CALM2: variants seen among roughly 807,000 people sequenced by gnomAD.
CALM2 encodes the protein calmodulin 2.
Under a neutral mutation model 19.8 loss-of-function variants are expected in CALM2, and 2 were observed. The observed-to-expected ratio is 0.10, with a 90% confidence interval of 0.04 to 0.32. The LOEUF (loss-of-function observed/expected upper bound fraction) is 0.32, where lower values mean the gene tolerates loss of function less well. Among genes scored for constraint, CALM2 ranks in the 10% least tolerant of loss-of-function variants. The probability of loss-of-function intolerance (pLI) is 1.00; values close to 1 mark genes in which losing one functional copy is unlikely to be tolerated. For missense variants in CALM2, 38 were observed against 178.7 expected (o/e 0.21, Z 4.49); for synonymous variants, 51 against 52.1 (o/e 0.98, Z 0.09).
At position 47,161,799 on chromosome 2, in the gene CALM2, C is replaced by T. The variant is rs1169245648; in HGVS notation, c.345G>A (p.Glu115=). The T allele has an allele frequency of 3.7e-6, 6 of 1,613,426 alleles. No individual in the cohort carries two copies. The highest frequency in any genetic ancestry group is 5.1e-6 in the Non-Finnish European group (6 of 1,179,604). ...ELRHVMTNLG[E]KLTDEEVDEM... is the part of the protein sequence containing the mutation. Reference sequence around the variant, plus strand: ...CATCAACTTCTTCATCTGTTAACTTCTCTCCAAGGTTTGTCATCACATGGC... The same window carrying T: ...CATCAACTTCTTCATCTGTTAACTTTTCTCCAAGGTTTGTCATCACATGGC... The change falls in exon 5 of 6, where the codon GAG becomes GAA. Residue 115 remains glutamate, a synonymous_variant. Transcript: ENST00000272298.
chr2:47,170,816 C>G, intron 1 of CALM2, 52 bp from the exon 2 acceptor site: 2 of 1,479,540 alleles, frequency 1.4e-6, no homozygotes, highest in Non-Finnish European at 1.9e-6. Flanking sequence ...TGTAGATTAG[C>G]AGTTACAGAA....
chr2:47,174,097 T>C (rs1204921032), intron 1 of CALM2: 3 of 152,218 alleles, frequency 2.0e-5, no homozygotes, highest in Non-Finnish European at 4.4e-5. Flanking sequence ...TCTACCTTTT[T>C]ACATCTTTTA....
At chr2:47,168,913 G>C (rs1666579112) in intron 2 of CALM2, among the ~76,000 whole-genome samples, 1 of 152,044 alleles carries the variant, frequency 6.6e-6, no homozygotes, top group African/African-American at 2.4e-5. Context: ...GAGTGGCTGG[G>C]ATTACAGGTG....
rs549228553 is a variant in CALM2 at position 47,176,332 on chromosome 2, G to A, written c.3+109C>T. 3.5e-5 allele frequency: 48 copies of A among 1,379,166 alleles called. No individual in the cohort carries two copies. In the African/African-American group the frequency reaches 6.6e-4, roughly 19 times the overall value. 85.4% of individuals were successfully genotyped at this position (1,379,166 alleles called of 1,614,324 possible). Reference sequence around the variant, plus strand: ...CCTCTTTCGCGCCATCCCTCTGGCAGAAACCACTCCTTGAAGGTGTAAGGG... The same window carrying A: ...CCTCTTTCGCGCCATCCCTCTGGCAAAAACCACTCCTTGAAGGTGTAAGGG... On this transcript the variant is annotated intron_variant, in intron 1 of 5. Coordinates refer to ENST00000272298, the MANE Select transcript of CALM2 (RefSeq NM_001743.6).
rs1573234236 is a variant in CALM2, at chr2:47,175,555, A to T, written c.3+886T>A. Among the ~76,000 whole-genome samples, 3 of 152,300 alleles carry T rather than the reference A, an allele frequency of 2.0e-5. No homozygotes were observed. In the East Asian group the frequency reaches 5.8e-4, roughly 29 times the overall value. ...TTCAAGGGTAAGACTAATTTCTTTC[A>T]ACGACAGACACTTTAAAAAGCAATT... is the stretch of plus-strand genomic sequence containing the variant. On this transcript the variant is annotated intron_variant, in intron 1 of 5. Transcript: ENST00000272298.
At chr2:47,164,690 G>A (rs1037174639) in intron 2 of CALM2, among the ~76,000 whole-genome samples, 2 of 152,010 alleles carry the variant, frequency 1.3e-5, no homozygotes, top group African/African-American at 4.8e-5. Context: ...TATTTTCCAA[G>A]TAAGTCATTT....
intron 5 of CALM2, among the ~76,000 whole-genome samples, chr2:47,161,022 C>T (rs373217554): frequency 6.6e-6 from 1 of 152,064 alleles, no homozygotes; most frequent in African/African-American, 2.4e-5. Context: ...CAAATTAACG[C>T]TTTAGATAGG....
chr2:47,171,175 TA>T (rs10700263), intron 1 of CALM2: 6,915 of 146,868 alleles, frequency 0.047, 375 homozygotes, highest in African/African-American at 0.15. Context: ...TTAAAGTGAT[TA>T]AAAAAAAAAA....
chr2:47,167,180 A>T (rs1469024299), intron 2 of CALM2, among the ~76,000 whole-genome samples: 1 of 152,190 alleles, frequency 6.6e-6, no homozygotes, highest in African/African-American at 2.4e-5. Context: ...GTTGCTATAC[A>T]TTGAGTAATA....
At chr2:47,161,560 G>T (rs1378522503) in intron 5 of CALM2, among the ~76,000 whole-genome samples, 163 bp downstream of exon 5, 4 of 152,138 alleles carry the variant, frequency 2.6e-5, no homozygotes, top group Non-Finnish European at 5.9e-5. Context: ...ATGTTACCTA[G>T]TCTGCAGACA....
At chr2:47,161,937 T>C in intron 4 of CALM2, 79 bp from the exon 5 acceptor site, 1 of 1,153,696 alleles carries the variant, frequency 8.7e-7, no homozygotes, top group Non-Finnish European at 1.3e-6. Flanking sequence ...AGTTTACTAC[T>C]AAATTTCACA....
chr2:47,165,592 T>TGC (rs1666439867), intron 2 of CALM2, among the ~76,000 whole-genome samples: 1 of 152,238 alleles, frequency 6.6e-6, no homozygotes, highest in Non-Finnish European at 1.5e-5. Flanking sequence ...TACCATATAC[T>TGC]GCCAAAGGCT....
intron 2 of CALM2, chr2:47,163,358 A>T (rs1052641924): frequency 6.6e-6 from 1 of 152,214 alleles, no homozygotes; most frequent in Non-Finnish European, 1.5e-5. Flanking sequence ...TTTCTTTGGA[A>T]TATTAAAACC....
upstream of CALM2, chr2:47,176,581 T>C (rs1015955212): frequency 1.0e-5 from 16 of 1,546,774 alleles, no homozygotes; most frequent in South Asian, 2.4e-5. Flanking sequence ...CGCATCCAGA[T>C]AACGGAACAT....
chr2:47,170,161 CTTCAT>C (rs1322607911), intron 2 of CALM2, among the ~76,000 whole-genome samples: 2 of 152,292 alleles, frequency 1.3e-5, no homozygotes, highest in East Asian at 3.9e-4. Flanking sequence ...ATTTAAGCGG[CTTCAT>C]TTCAACAGCT....
intron 4 of CALM2, among the ~76,000 whole-genome samples, 168 bp from the exon 5 acceptor site, chr2:47,162,026 T>A (rs182560859): frequency 1.3e-5 from 2 of 152,130 alleles, no homozygotes; most frequent in African/African-American, 4.8e-5. Flanking sequence ...CCAAGCAAAA[T>A]GTCCTACATT....
intron 2 of CALM2, among the ~76,000 whole-genome samples, chr2:47,164,986 G>A (rs1666416435): frequency 6.6e-6 from 1 of 152,094 alleles, no homozygotes; most frequent in African/African-American, 2.4e-5. Flanking sequence ...ACATCGCTTA[G>A]CCTAAAACTA....
chr2:47,176,112 C>T (rs569368432), intron 1 of CALM2: 16 of 365,638 alleles, frequency 4.4e-5, no homozygotes, highest in Middle Eastern at 1.4e-3. Context: ...TCCCTCTCTC[C>T]CTTCCTTCAC....
intron 2 of CALM2, among the ~76,000 whole-genome samples, chr2:47,165,810 G>A (rs1348867421): frequency 6.6e-6 from 1 of 152,086 alleles, no homozygotes; most frequent in Non-Finnish European, 1.5e-5. Context: ...ATACTCCCAG[G>A]CAACCCTAAA....
Sources: gnomAD v4.1 joint callset for allele counts (sites outside exome capture counted in the v4.1 genomes callset) on GRCh38, gnomAD v4.1.1 for gene constraint, MANE v1.5 for transcripts, NCBI Gene and HGNC (gene_info 2026-07-23, HGNC 2026-07-21) for gene names.